Variants in MED28 observed in about 807,000 individuals in gnomAD.
MED28 encodes mediator of RNA polymerase II transcription subunit 28.
MED28 carries 26 observed loss-of-function variants against 21.3 expected under a neutral mutation model. That is an observed-to-expected ratio of 1.22 (90% CI 0.89 to 1.69). The LOEUF (loss-of-function observed/expected upper bound fraction) is 1.69. Ranked by LOEUF, MED28 falls within the 40% of genes most tolerant of loss-of-function variation. The pLI is 0.00. For synonymous variants in MED28, 110 were observed against 87.6 expected (o/e 1.26, Z -1.43); for missense variants, 257 against 215.4 (o/e 1.19, Z -1.21).
At chr4:17,618,199 G>C (rs1053165125) in intron 1 of MED28, among the ~76,000 whole-genome samples, 5 of 151,848 alleles carry the variant, frequency 3.3e-5, no homozygotes, top group Non-Finnish European at 7.4e-5. Context: ...TGTAGAGACA[G>C]GGTTTCACCA....
At position 17,620,538 on chromosome 4, in the gene MED28, G is replaced by A. The variant is rs138423922; in HGVS notation, c.226+571G>A. 2.6e-3 allele frequency among the ~76,000 whole-genome samples: 399 copies of A among 152,238 alleles called. 2 individuals are homozygous for A. The highest frequency in any genetic ancestry group is 0.015 in the South Asian group (74 of 4,822). On this transcript the variant is annotated intron_variant, in intron 2 of 3. Coordinates refer to ENST00000237380, the MANE Select transcript of MED28 (RefSeq NM_025205.5). ...AGTAGAGACGGGGTTTCGCCATGTT[G>A]GCCAGGCTGGTGTCGAACTCCTGAT... is the stretch of plus-strand genomic sequence containing the variant.
rs1459866860 is a variant in MED28, at chr4:17,634,024, G to A, written c.*10226G>A. 1 of 606,984 alleles carries A rather than the reference G, an allele frequency of 1.6e-6. No homozygotes were observed. The highest frequency in any genetic ancestry group is 2.5e-6 in the Non-Finnish European group (1 of 399,180). The allele number at this position is 606,984 out of a possible 1,614,324, so 37.6% of individuals were successfully genotyped here. On this transcript the variant is annotated 3_prime_UTR_variant, in exon 4 of 4. Transcript: ENST00000237380. ...AACAATTTCATTTATACACTTACAT[G>A]CTATTTTTTAAAGCACTTTTCCCTC... is the stretch of plus-strand genomic sequence containing the variant.
Position 17,629,469 on chromosome 4 carries a change from A to G in MED28, c.*5671A>G, listed in dbSNP as rs1158529400. ...TGTTAGAGCAGTTAAGGGCTCAGGT[A>G]TGTGGTGTGCAGCCATTGACTGGGT... On this transcript the variant is annotated 3_prime_UTR_variant, in exon 4 of 4. Coordinates refer to ENST00000237380, the MANE Select transcript of MED28 (RefSeq NM_025205.5). 1 of 152,218 alleles carries G rather than the reference A, an allele frequency of 6.6e-6. No individual in the cohort carries two copies. Among genetic ancestry groups the G allele is most frequent in the Non-Finnish European group, 1.5e-5 (1 of 68,040 alleles). 9.4% of individuals were successfully genotyped at this position (152,218 alleles called of 1,614,324 possible). A position where few individuals can be genotyped will look rare whatever the true frequency, so the allele number is the denominator to read the frequency against.
intron 2 of MED28, 134 bp from the exon 3 acceptor site, chr4:17,621,453 C>T: frequency 1.8e-6 from 1 of 567,926 alleles, no homozygotes; most frequent in Non-Finnish European, 3.1e-6. Flanking sequence ...ATGATTACTG[C>T]TGTGGCCAAG....
rs560534015 is a variant in MED28, at chr4:17,627,389, C to G, written c.*3591C>G. Reference sequence around the variant, plus strand: ...ACAGGCATGAGCCACCGTGCCCAGCCCATCTTCATCTTCTTTACTTGAACT... The same window carrying G: ...ACAGGCATGAGCCACCGTGCCCAGCGCATCTTCATCTTCTTTACTTGAACT... On this transcript the variant is annotated 3_prime_UTR_variant, in exon 4 of 4. Coordinates refer to ENST00000237380, the MANE Select transcript of MED28 (RefSeq NM_025205.5). The G allele has an allele frequency of 1.5e-4, 23 of 152,564 alleles. No individual in the cohort carries two copies. The highest frequency in any genetic ancestry group is 5.5e-4 in the African/African-American group (23 of 41,558). 9.5% of individuals were successfully genotyped at this position (152,564 alleles called of 1,614,324 possible). A position where few individuals can be genotyped will look rare whatever the true frequency, so the allele number is the denominator to read the frequency against.
chr4:17,617,804 G>A (rs1251192272), intron 1 of MED28, among the ~76,000 whole-genome samples: 1 of 152,032 alleles, frequency 6.6e-6, no homozygotes, highest in East Asian at 1.9e-4. Context: ...CTACTTGGGA[G>A]GCTGAGGCAG....
chr4:17,630,698 T>A lies in MED28; in HGVS notation c.*6900T>A, dbSNP rs1379697695. On this transcript the variant is annotated 3_prime_UTR_variant, in exon 4 of 4. Coordinates refer to ENST00000237380, the MANE Select transcript of MED28 (RefSeq NM_025205.5). ...TATGGTGACAAGTGTTTGTTTGCAT[T>A]TAAAAATGCATTGGAGCCTCGTTTT... 6.6e-6 allele frequency: 1 copy of A among 152,230 alleles called. No homozygotes were observed. The highest frequency in any genetic ancestry group is 1.5e-5 in the Non-Finnish European group (1 of 68,040). The allele number at this position is 152,230 out of a possible 1,614,324, so 9.4% of individuals were successfully genotyped here.
At chr4:17,620,050 T>C (rs1714573593) in intron 2 of MED28, 83 bp downstream of exon 2, 1 of 1,240,924 alleles carries the variant, frequency 8.1e-7, no homozygotes, top group South Asian at 1.2e-5. Context: ...TGTGTTTCAG[T>C]CCTGCTTTTA....
chr4:17,621,774 A>T, intron 3 of MED28, 75 bp downstream of exon 3: 1 of 978,844 alleles, frequency 1.0e-6, no homozygotes, highest in South Asian at 1.5e-5. Flanking sequence ...GCTTTAAATG[A>T]GATGTAACCG....
Position 17,632,325 on chromosome 4 carries a change from T to C in MED28, c.*8527T>C. ...CCTGGACTCAAGCAGTCCATCTGCC[T>C]CAGCCTCCCAAAGTGATGGGATTAC... On this transcript the variant is annotated 3_prime_UTR_variant, in exon 4 of 4. Coordinates refer to ENST00000237380, the MANE Select transcript of MED28 (RefSeq NM_025205.5). 2.6e-6 allele frequency: 1 copy of C among 381,318 alleles called. No individual in the cohort carries two copies. Among genetic ancestry groups the C allele is most frequent in the South Asian group, 3.6e-5 (1 of 27,876 alleles). 23.6% of individuals were successfully genotyped at this position (381,318 alleles called of 1,614,324 possible).
Position 17,623,815 on chromosome 4 carries a change from G to T in MED28, c.*17G>T. 6.2e-7 allele frequency: 1 copy of T among 1,607,840 alleles called. No individual in the cohort carries two copies. ...CCAACGTGAGCAAAGGGCAGAGGCA[G>T]TTGGCCTATGAGTGGGCTGATGCGT... On this transcript the variant is annotated 3_prime_UTR_variant, in exon 4 of 4. Transcript: ENST00000237380.
Position 17,614,692 on chromosome 4 carries a change from C to A in MED28, c.38C>A (p.Pro13Gln). The change falls in exon 1 of 4, where the codon CCA becomes CAA. Residue 13 changes from proline (P) to glutamine (Q), a missense_variant. Physicochemically the swap from Pro to Gln is moderately conservative, Grantham distance 76 (BLOSUM62 -1). Coordinates refer to ENST00000237380, the MANE Select transcript of MED28 (RefSeq NM_025205.5). ...CTAGGGGGTATGTTTTCTGGGCAGC[C>A]ACCCGGTCCCCCTCAGGCCCCGCCG... ...APLGGMFSGQ[P>Q]PGPPQAPPGL... is the part of the protein sequence containing the mutation. 6 of 1,613,786 alleles carry A rather than the reference C, an allele frequency of 3.7e-6. No individual in the cohort carries two copies. The highest frequency in any genetic ancestry group is 5.1e-6 in the Non-Finnish European group (6 of 1,179,940).
rs1381027219 is a variant in MED28, at chr4:17,623,862, C to T, written c.*64C>T. 4 of 1,511,968 alleles carry T rather than the reference C, an allele frequency of 2.6e-6. No homozygotes were observed. The highest frequency in any genetic ancestry group is 4.8e-5 in the East Asian group (2 of 41,326). The allele number at this position is 1,511,968 out of a possible 1,614,324, so 93.7% of individuals were successfully genotyped here. Reference sequence around the variant, plus strand: ...GCGTGAGGTTGGCCACACATTCCTTCCTGTGGACTTGACATTTTGGAAGAA... The same window carrying T: ...GCGTGAGGTTGGCCACACATTCCTTTCTGTGGACTTGACATTTTGGAAGAA... On this transcript the variant is annotated 3_prime_UTR_variant, in exon 4 of 4. Transcript: ENST00000237380.
chr4:17,621,405 C>T (rs1231876025), intron 2 of MED28, among the ~76,000 whole-genome samples, 182 bp from the exon 3 acceptor site: 1 of 151,736 alleles, frequency 6.6e-6, no homozygotes, highest in Non-Finnish European at 1.5e-5. Context: ...AACTTATCTG[C>T]TGTTTAATGT....
At chr4:17,619,803 C>T in intron 1 of MED28, 98 bp from the exon 2 acceptor site, 2 of 1,002,186 alleles carry the variant, frequency 2.0e-6, no homozygotes, top group Non-Finnish European at 1.6e-6. Flanking sequence ...ATGCTGCCAC[C>T]TCATCAGATG....
intron 2 of MED28, among the ~76,000 whole-genome samples, chr4:17,621,053 T>G (rs1322366331): frequency 7.1e-6 from 1 of 141,608 alleles, no homozygotes; most frequent in Non-Finnish European, 1.5e-5. Flanking sequence ...TCTCACTCTG[T>G]CACCAGTCTG....
intron 2 of MED28, among the ~76,000 whole-genome samples, chr4:17,620,591 C>T (rs780546064): frequency 1.3e-5 from 2 of 152,176 alleles, no homozygotes; most frequent in Non-Finnish European, 2.9e-5. Flanking sequence ...TCTCAGCCTC[C>T]CAAAGTATCG....
chr4:17,616,913 G>A (rs1357533416), intron 1 of MED28, among the ~76,000 whole-genome samples: 3 of 152,200 alleles, frequency 2.0e-5, no homozygotes, highest in African/African-American at 4.8e-5. Flanking sequence ...AGGTGCCCTT[G>A]AGAGAGAACT....
In MED28 at chr4:17,614,769, C is replaced by G; in HGVS notation, c.115C>G (p.Pro39Ala). Reference protein sequence around the residue: ...LLQAAPGAPRPSSSTLVDELE... With the variant: ...LLQAAPGAPRASSSTLVDELE... Reference sequence around the variant, plus strand: ...TCAGGCAGCTCCAGGCGCTCCTAGACCTTCCAGCAGTACTTTGGTGGACGA... The same window carrying G: ...TCAGGCAGCTCCAGGCGCTCCTAGAGCTTCCAGCAGTACTTTGGTGGACGA... Residue 39 changes from proline (P) to alanine (A), a missense_variant, in exon 1 of 4, where the codon CCT becomes GCT. By Grantham distance (27) the Pro-to-Ala change is conservative (BLOSUM62 -1). Coordinates refer to ENST00000237380, the MANE Select transcript of MED28 (RefSeq NM_025205.5). 1 of 1,614,050 alleles carries G rather than the reference C, an allele frequency of 6.2e-7. No individual in the cohort carries two copies. The highest frequency in any genetic ancestry group is 1.3e-5 in the African/African-American group (1 of 75,054).
Sources: gnomAD v4.1 joint callset for allele counts (sites outside exome capture counted in the v4.1 genomes callset) on GRCh38, gnomAD v4.1.1 for gene constraint, MANE v1.5 for transcripts, NCBI Gene and HGNC (gene_info 2026-07-23, HGNC 2026-07-21) for gene names.